The following CREB1 variants were observed in gnomAD, a reference collection of about 807,000 sequenced individuals.
CREB1 encodes cAMP responsive element binding protein 1.
Under a neutral mutation model 42.0 loss-of-function variants are expected in CREB1, and 2 were observed. That is an observed-to-expected ratio of 0.05 (90% CI 0.02 to 0.15). The LOEUF is 0.15. Among genes scored for constraint, CREB1 ranks in the 10% least tolerant of loss-of-function variants. The probability of loss-of-function intolerance (pLI) is 1.00; values close to 1 mark genes in which losing one functional copy is unlikely to be tolerated. For synonymous variants in CREB1, 123 were observed against 139.9 expected (o/e 0.88, Z 0.85); for missense variants, 199 against 388.9 (o/e 0.51, Z 4.11).
chr2:207,586,299 G>T (rs190886798), intron 7 of CREB1, among the ~76,000 whole-genome samples: 2 of 152,256 alleles, frequency 1.3e-5, no homozygotes, highest in Admixed American at 6.5e-5. Context: ...CAGCAAATGT[G>T]CCAAGAACAT....
rs183356299 is a variant in CREB1, at chr2:207,537,781, T to C, written c.-9+7647T>C. On this transcript the variant is annotated intron_variant, in intron 1 of 7. Transcript: ENST00000353267. ...TCTACTGGGTTTTTTTGTTGTTGTT[T>C]TTTGTTTTGCCTTTTCTCTCTCTCT... 4.6e-5 allele frequency among the ~76,000 whole-genome samples: 7 copies of C among 152,326 alleles called. No individual in the cohort carries two copies. The East Asian group carries it at 1.4e-3, about 29-fold the overall frequency.
rs997074444 is a variant in CREB1, at chr2:207,597,490, A to G, written c.*432A>G. 2 of 222,586 alleles carry G rather than the reference A, an allele frequency of 9.0e-6. No individual in the cohort carries two copies. The highest frequency in any genetic ancestry group is 1.8e-5 in the Non-Finnish European group (2 of 111,592). The allele number at this position is 222,586 out of a possible 1,614,324, so 13.8% of individuals were successfully genotyped here. ...TGTGGGCCGCATGCATAAAGTAAGT[A>G]AGGTGCAATGAAGAAGTGTTGATTG... On this transcript the variant is annotated 3_prime_UTR_variant, in exon 8 of 8. Coordinates refer to ENST00000353267, the MANE Select transcript of CREB1 (RefSeq NM_004379.5).
At position 207,600,313 on chromosome 2, in the gene CREB1, G is replaced by A. The variant is rs1437607269; in HGVS notation, c.*3255G>A. The A allele has an allele frequency of 5.6e-6, 1 of 178,094 alleles. No individual in the cohort carries two copies. Among genetic ancestry groups the A allele is most frequent in the Admixed American group, 6.4e-5 (1 of 15,682 alleles). 11.0% of individuals were successfully genotyped at this position (178,094 alleles called of 1,614,324 possible). A position where few individuals can be genotyped will look rare whatever the true frequency, so the allele number is the denominator to read the frequency against. ...TGAGAGCTCTTAAGTCAGGAATGCTGAGTATTATAGTATATTGAGGTCAGA... is the reference window on the plus strand; with the variant it reads ...TGAGAGCTCTTAAGTCAGGAATGCTAAGTATTATAGTATATTGAGGTCAGA... On this transcript the variant is annotated 3_prime_UTR_variant, in exon 8 of 8. Coordinates refer to ENST00000353267, the MANE Select transcript of CREB1 (RefSeq NM_004379.5).
At chr2:207,531,735 A>T (rs1398558725) in intron 1 of CREB1, among the ~76,000 whole-genome samples, 1 of 152,242 alleles carries the variant, frequency 6.6e-6, no homozygotes, top group East Asian at 1.9e-4. Flanking sequence ...CTGTCACTGT[A>T]TGATTGCATT....
intron 5 of CREB1, among the ~76,000 whole-genome samples, chr2:207,570,659 TA>T (rs967848842): frequency 5.3e-5 from 8 of 151,954 alleles, no homozygotes; most frequent in Non-Finnish European, 8.8e-5. Context: ...TTTTTTAGAT[TA>T]AAAAAAATCA....
At chr2:207,580,798 G>A (rs1029270212) in intron 7 of CREB1, 3 of 224,022 alleles carry the variant, frequency 1.3e-5, no homozygotes, top group Non-Finnish European at 2.7e-5. Flanking sequence ...GGCAGCTGCA[G>A]GTCAGTTGCT....
chr2:207,595,917 TCTC>T (rs2086070193), intron 7 of CREB1, among the ~76,000 whole-genome samples: 2 of 152,218 alleles, frequency 1.3e-5, no homozygotes, highest in African/African-American at 2.4e-5. Flanking sequence ...AGATATTTCT[TCTC>T]ATTCTGTAGG....
chr2:207,563,425 A>G (rs1281724402), intron 3 of CREB1, among the ~76,000 whole-genome samples: 1 of 152,220 alleles, frequency 6.6e-6, no homozygotes, highest in Non-Finnish European at 1.5e-5. Context: ...TTAACATGGA[A>G]TAAACTGACT....
intron 1 of CREB1, among the ~76,000 whole-genome samples, chr2:207,543,694 C>G (rs545741173): frequency 5.9e-4 from 90 of 152,226 alleles, no homozygotes; most frequent in African/African-American, 2.0e-3. Flanking sequence ...CCTCTGCCTC[C>G]TGGGTTCAAG....
chr2:207,577,837 T>C (rs1013809743), intron 7 of CREB1, 182 bp downstream of exon 7: 8 of 651,738 alleles, frequency 1.2e-5, no homozygotes, highest in Non-Finnish European at 2.1e-5. Flanking sequence ...GATAGCTGTA[T>C]GATTATGGGT....
chr2:207,570,463 T>G, intron 5 of CREB1, 142 bp downstream of exon 5: 1 of 748,886 alleles, frequency 1.3e-6, no homozygotes, highest in Non-Finnish European at 2.1e-6. Context: ...TCCTTTACTC[T>G]TCACTATGCA....
At chr2:207,578,356 CAAAAG>C in intron 7 of CREB1, among the ~76,000 whole-genome samples, 1 of 152,016 alleles carries the variant, frequency 6.6e-6, no homozygotes, top group Non-Finnish European at 1.5e-5. Flanking sequence ...CCGAGACAAA[CAAAAG>C]AAAATGAAAA....
At position 207,605,457 on chromosome 2, in the gene CREB1, C is replaced by T. The variant is rs367769465; in HGVS notation, c.*8399C>T. Among the ~76,000 whole-genome samples, 36 of 152,118 alleles carry T rather than the reference C, an allele frequency of 2.4e-4. No homozygotes were observed. The highest frequency in any genetic ancestry group is 2.3e-3 in the East Asian group (12 of 5,182). On this transcript the variant is annotated 3_prime_UTR_variant, in exon 8 of 8. Transcript: ENST00000353267. ...GGGTACTAGGCCCTTATAATATTTT[C>T]GCCTATAAGTTTTTGCTTTATAATG...
At chr2:207,588,741 T>TGG (rs1559069651) in intron 7 of CREB1, among the ~76,000 whole-genome samples, 39 of 137,762 alleles carry the variant, frequency 2.8e-4, no homozygotes, top group Non-Finnish European at 4.8e-4. Context: ...TTTTTTTTTT[T>TGG]TGTGTGTGGG....
At chr2:207,549,127 A>G (rs1391992417) in intron 1 of CREB1, among the ~76,000 whole-genome samples, 4 of 152,206 alleles carry the variant, frequency 2.6e-5, no homozygotes, top group Non-Finnish European at 4.4e-5. Flanking sequence ...TAAAATATTT[A>G]TAACCTTTGT....
At chr2:207,591,001 T>C (rs2084930089) in intron 7 of CREB1, among the ~76,000 whole-genome samples, 1 of 152,224 alleles carries the variant, frequency 6.6e-6, no homozygotes, top group Admixed American at 6.5e-5. Context: ...AAATGTTTAA[T>C]ATTCAATTTC....
At chr2:207,585,515 A>T (rs1368905935) in intron 7 of CREB1, among the ~76,000 whole-genome samples, 1 of 152,214 alleles carries the variant, frequency 6.6e-6, no homozygotes, top group Non-Finnish European at 1.5e-5. Context: ...CACAAGAAAC[A>T]TAAAATACTG....
chr2:207,546,799 C>T (rs1268373473), intron 1 of CREB1, among the ~76,000 whole-genome samples: 1 of 151,810 alleles, frequency 6.6e-6, no homozygotes, highest in African/African-American at 2.4e-5. Context: ...GCCTGCATGC[C>T]ATTTGTCAGT....
intron 7 of CREB1, chr2:207,577,886 TC>T: frequency 2.0e-6 from 1 of 495,110 alleles, no homozygotes; most frequent in Non-Finnish European, 3.7e-6. Flanking sequence ...TCATGCAGTT[TC>T]CCCACAGGAG....
Sources: gnomAD v4.1 joint callset for allele counts (sites outside exome capture counted in the v4.1 genomes callset) on GRCh38, gnomAD v4.1.1 for gene constraint, MANE v1.5 for transcripts, NCBI Gene and HGNC (gene_info 2026-07-23, HGNC 2026-07-21) for gene names.